The following FAM118B variants were observed in gnomAD, a reference collection of about 807,000 sequenced individuals.
FAM118B encodes the protein SIR2 antiphage like 1.
A neutral mutation model predicts 38.5 loss-of-function variants in FAM118B; 24 were observed. The observed-to-expected ratio is 0.62, with a 90% confidence interval of 0.45 to 0.88. FAM118B has a LOEUF of 0.88. FAM118B is among the 40% of genes least tolerant of loss of function. FAM118B has a pLI of 0.00. For missense variants in FAM118B, 334 were observed against 420.0 expected, an observed-to-expected ratio of 0.80 and a Z score of 1.79; for synonymous variants, 138 against 156.3, an observed-to-expected ratio of 0.88 and a Z score of 0.87.
chr11:126,261,454 G>A lies in FAM118B; in HGVS notation c.1012G>A (p.Gly338Ser). Residue 338 changes from glycine to serine, a missense_variant, in exon 8 of 9, where the codon GGC becomes AGC. Transcript: ENST00000533050. Reference sequence around the variant, plus strand: ...GATGGTGAGAGAAGGTCAGCTAAATGGCTCATCTGCAGCACACAGTGAAAT... The same window carrying A: ...GATGGTGAGAGAAGGTCAGCTAAATAGCTCATCTGCAGCACACAGTGAAAT... Reference protein sequence around the residue: ...AGMVREGQLNGSSAAHSEIRG... With the variant: ...AGMVREGQLNSSSAAHSEIRG... The A allele has an allele frequency of 6.2e-7, 1 of 1,613,964 alleles. No homozygotes were observed. The highest frequency in any genetic ancestry group is 8.5e-7 in the Non-Finnish European group (1 of 1,179,872).
At chr11:126,230,603 C>T (rs1429694968) in intron 2 of FAM118B, among the ~76,000 whole-genome samples, 4 of 152,154 alleles carry the variant, frequency 2.6e-5, no homozygotes, top group Admixed American at 1.3e-4. Context: ...TCTTTTATTT[C>T]CAGGCAAAAA....
At position 126,238,989 on chromosome 11, in the gene FAM118B, T is replaced by C. The variant is rs373947519; in HGVS notation, c.87-1803T>C. Among the ~76,000 whole-genome samples, 34 of 151,458 alleles carry C rather than the reference T, an allele frequency of 2.2e-4. No homozygotes were observed. The East Asian group carries it at 3.7e-3, about 16-fold the overall frequency. ...GTGGAAGTCTTTTTTTTTTTTTTTT[T>C]CGAGACAAGGTCTTGTTCTGTCACC... On this transcript the variant is annotated intron_variant, in intron 3 of 8. Transcript: ENST00000533050.
At chr11:126,240,691 T>C in intron 3 of FAM118B, 101 bp from the exon 4 acceptor site, 4 of 1,262,456 alleles carry the variant, frequency 3.2e-6, no homozygotes, top group Non-Finnish European at 4.3e-6. Flanking sequence ...TCTTTGCAAC[T>C]ATAAAAGTTA....
At chr11:126,249,615 C>T (rs1464452803) in intron 4 of FAM118B, among the ~76,000 whole-genome samples, 1 of 150,946 alleles carries the variant, frequency 6.6e-6, no homozygotes, top group Non-Finnish European at 1.5e-5. Context: ...CCTGTAATCC[C>T]AGCTACTTGG....
rs941764575 is a variant in FAM118B at position 126,258,930 on chromosome 11, T to C, written c.982+2078T>C. Among the ~76,000 whole-genome samples the C allele has an allele frequency of 2.6e-5, 4 of 152,368 alleles. No individual in the cohort carries two copies. The South Asian group carries it at 6.2e-4, about 24-fold the overall frequency. ...TAAGATTGCTCTAAGGAACCTTAAC[T>C]GCTATTGTGGAATGGCACAAATTCT... On this transcript the variant is annotated intron_variant, in intron 7 of 8. Coordinates refer to ENST00000533050, the MANE Select transcript of FAM118B (RefSeq NM_024556.4).
chr11:126,259,568 G>C (rs11220430), intron 7 of FAM118B, among the ~76,000 whole-genome samples: 1 of 151,702 alleles, frequency 6.6e-6, no homozygotes, highest in African/African-American at 2.4e-5. Context: ...TGGAACTATA[G>C]GCGCCCACCA....
At chr11:126,245,984 G>A (rs1950414450) in intron 4 of FAM118B, among the ~76,000 whole-genome samples, 1 of 146,962 alleles carries the variant, frequency 6.8e-6, no homozygotes, top group African/African-American at 2.5e-5. Flanking sequence ...CAACAGGTAC[G>A]AGACTCCGTC....
chr11:126,259,919 A>G (rs541981114), intron 7 of FAM118B, among the ~76,000 whole-genome samples: 2 of 149,132 alleles, frequency 1.3e-5, no homozygotes, highest in African/African-American at 5.0e-5. Flanking sequence ...ACAGCGTTTC[A>G]CTGTGTTAGC....
At chr11:126,235,320 T>G (rs1209866147) in intron 3 of FAM118B, among the ~76,000 whole-genome samples, 1 of 152,226 alleles carries the variant, frequency 6.6e-6, no homozygotes, top group African/African-American at 2.4e-5. Context: ...GATAATCACT[T>G]TCAACTTTAC....
chr11:126,227,837 A>G (rs1365592648), intron 1 of FAM118B, among the ~76,000 whole-genome samples: 1 of 152,058 alleles, frequency 6.6e-6, no homozygotes, highest in African/African-American at 2.4e-5. Flanking sequence ...TTCTCACTCT[A>G]TCACCAGGCT....
At chr11:126,261,597 A>G (rs1950700836) in intron 8 of FAM118B, 113 bp downstream of exon 8, 1 of 784,320 alleles carries the variant, frequency 1.3e-6, no homozygotes, top group Admixed American at 2.4e-5. Context: ...AAATTTTAAA[A>G]AACACTGTAG....
At position 126,250,476 on chromosome 11, in the gene FAM118B, C is replaced by G; in HGVS notation, c.340-30C>G. 3 of 1,510,606 alleles carry G rather than the reference C, an allele frequency of 2.0e-6. No homozygotes were observed. Among genetic ancestry groups the G allele is most frequent in the Non-Finnish European group, 2.8e-6 (3 of 1,089,112 alleles). The allele number at this position is 1,510,606 out of a possible 1,614,324, so 93.6% of individuals were successfully genotyped here. On this transcript the variant is annotated intron_variant, in intron 4 of 8. Coordinates refer to ENST00000533050, the MANE Select transcript of FAM118B (RefSeq NM_024556.4). The surrounding 1 kb of genome is among the most constrained non-coding windows in gnomAD (Gnocchi z 5.1). ...AACTGACCTACCAAAGCACTTTGGA[C>G]TAATTTTCTTTTTTCAAATCCCTCC... is the stretch of plus-strand genomic sequence containing the variant.
At position 126,215,494 on chromosome 11, in the gene FAM118B, G is replaced by C. The variant is rs541017033; in HGVS notation, c.-77+3664G>C. ...TGGGCGGATCACGAGATCAGGAGAT[G>C]GAGAGCATCCTGGCTAACACGGTGA... On this transcript the variant is annotated intron_variant, in intron 1 of 8. Transcript: ENST00000533050. 4.6e-5 allele frequency among the ~76,000 whole-genome samples: 7 copies of C among 151,140 alleles called. No individual in the cohort carries two copies. The East Asian group carries it at 1.4e-3, about 30-fold the overall frequency.
rs1950560460 is a variant in FAM118B, at chr11:126,255,295, T to C, written c.696+862T>C. On this transcript the variant is annotated intron_variant, in intron 6 of 8. Transcript: ENST00000533050. This position sits in a 1 kb window ranked among gnomAD's most constrained non-coding sequence, Gnocchi z 4.6. ...GCTCTAAGAATCTTGTTTGCTGTTTTCAGGACTGGGTCATATAGATTATAG... is the reference window on the plus strand; with the variant it reads ...GCTCTAAGAATCTTGTTTGCTGTTTCCAGGACTGGGTCATATAGATTATAG... 6.6e-6 allele frequency among the ~76,000 whole-genome samples: 1 copy of C among 152,238 alleles called. No individual in the cohort carries two copies. Among genetic ancestry groups the C allele is most frequent in the Admixed American group, 6.5e-5 (1 of 15,288 alleles).
At chr11:126,218,119 T>G (rs1175966271) in intron 1 of FAM118B, among the ~76,000 whole-genome samples, 1 of 152,222 alleles carries the variant, frequency 6.6e-6, no homozygotes, top group Non-Finnish European at 1.5e-5. Context: ...TTTCTGTGAT[T>G]TTTTGCTCAA....
chr11:126,216,312 G>A (rs1456396254), intron 1 of FAM118B, among the ~76,000 whole-genome samples: 1 of 152,020 alleles, frequency 6.6e-6, no homozygotes, highest in Non-Finnish European at 1.5e-5. Context: ...AGAGATGGAG[G>A]TTGCGGTGAG....
At chr11:126,261,159 T>TGTAAAAC in intron 7 of FAM118B, 1 of 440,324 alleles carries the variant, frequency 2.3e-6, no homozygotes, top group East Asian at 3.5e-5. Context: ...GTATGTGAAA[T>TGTAAAAC]GTAAAATGTA....
Position 126,253,080 on chromosome 11 carries a change from A to G in FAM118B, c.568-1225A>G, listed in dbSNP as rs2135205906. ...TGAAATTTTAAAACTAGCAGCTTCT[A>G]TGCTATTTGTGATAAAATTTCCAAA... On this transcript the variant is annotated intron_variant, in intron 5 of 8. Transcript: ENST00000533050. This position sits in a 1 kb window ranked among gnomAD's most constrained non-coding sequence, Gnocchi z 5.1. Among the ~76,000 whole-genome samples, 1 of 152,324 alleles carries G rather than the reference A, an allele frequency of 6.6e-6. No individual in the cohort carries two copies. The highest frequency in any genetic ancestry group is 1.5e-5 in the Non-Finnish European group (1 of 68,022).
At chr11:126,219,349 C>CTTCTTTTTTTTTTT in intron 1 of FAM118B, among the ~76,000 whole-genome samples, 1 of 44,466 alleles carries the variant, frequency 2.2e-5, no homozygotes, top group Non-Finnish European at 3.9e-5. Context: ...TCTTGTTTAT[C>CTTCTTTTTTTTTTT]TTTTTTTTTT....
Sources: gnomAD v4.1 joint callset for allele counts (sites outside exome capture counted in the v4.1 genomes callset) on GRCh38, gnomAD v4.1.1 for gene constraint, Gnocchi (gnomAD v3.1) non-coding constraint, MANE v1.5 for transcripts, NCBI Gene and HGNC (gene_info 2026-07-23, HGNC 2026-07-21) for gene names.